The following MAPK9 variants were observed in gnomAD, a reference collection of about 807,000 sequenced individuals.
The protein encoded by MAPK9 is mitogen-activated protein kinase 9, also known as Jun kinase.
A neutral mutation model predicts 57.1 loss-of-function variants in MAPK9; 30 were observed. The ratio of observed to expected loss-of-function variants is 0.53; its 90% CI spans 0.39 to 0.71. MAPK9 has a LOEUF of 0.71. Ranked by LOEUF, MAPK9 falls within the 30% of genes least tolerant of loss-of-function variation. The pLI, the probability that MAPK9 is intolerant of heterozygous loss-of-function variation, is 0.00. For synonymous variants in MAPK9, 155 were observed against 177.0 expected, an observed-to-expected ratio of 0.88 and a Z score of 0.99; for missense variants, 362 against 521.0, an observed-to-expected ratio of 0.69 and a Z score of 2.97.
intron 5 of MAPK9, among the ~76,000 whole-genome samples, chr5:180,259,780 T>C (rs186767849): frequency 1.3e-5 from 2 of 152,258 alleles, no homozygotes; most frequent in Non-Finnish European, 2.9e-5. Flanking sequence ...CAGTTCTCTA[T>C]GTAAACATGA....
intron 7 of MAPK9, among the ~76,000 whole-genome samples, chr5:180,244,494 G>A (rs1053948679): frequency 2.0e-5 from 3 of 152,000 alleles, no homozygotes; most frequent in Admixed American, 1.3e-4. Flanking sequence ...AAGAGCTGTC[G>A]GTCGGGCTCA....
At chr5:180,256,113 T>G (rs1031591959) in intron 5 of MAPK9, among the ~76,000 whole-genome samples, 2 of 152,174 alleles carry the variant, frequency 1.3e-5, no homozygotes, top group Admixed American at 1.3e-4. Flanking sequence ...AGGCAGGACA[T>G]GCACCAGCGT....
At chr5:180,280,223 GCTAC>G (rs1445830479) in intron 2 of MAPK9, among the ~76,000 whole-genome samples, 1 of 152,006 alleles carries the variant, frequency 6.6e-6, no homozygotes, top group Non-Finnish European at 1.5e-5. Flanking sequence ...AAGAAAACTT[GCTAC>G]CTATTTAAAT....
At chr5:180,289,131 GTC>G (rs1235406757) in intron 1 of MAPK9, among the ~76,000 whole-genome samples, 4 of 152,128 alleles carry the variant, frequency 2.6e-5, no homozygotes, top group African/African-American at 9.7e-5. Context: ...AAAAAATCTG[GTC>G]TCTGTTTTAT....
intron 5 of MAPK9, among the ~76,000 whole-genome samples, chr5:180,256,017 G>C (rs1006493884): frequency 6.6e-6 from 1 of 152,200 alleles, no homozygotes; most frequent in South Asian, 2.1e-4. Flanking sequence ...AGGTGATCCT[G>C]TCTTTGAAGG....
chr5:180,242,758 A>G lies in MAPK9; in HGVS notation c.689-3T>C. 3 of 1,607,824 alleles carry G rather than the reference A, an allele frequency of 1.9e-6. No individual in the cohort carries two copies. Among genetic ancestry groups the G allele is most frequent in the Admixed American group, 1.7e-5 (1 of 59,002 alleles). ...AACTTTATTCCACTGATCAATATCT[A>G]AGGAGTTTCTTGAGGAAAATACAAC... is the stretch of plus-strand genomic sequence containing the variant. On this transcript the variant is annotated splice_region_variant and splice_polypyrimidine_tract_variant and intron_variant, in intron 7 of 11. Coordinates refer to ENST00000452135, the MANE Select transcript of MAPK9 (RefSeq NM_002752.5).
At chr5:180,236,599 G>A in intron 11 of MAPK9, 73 bp from the exon 12 acceptor site, 1 of 1,536,352 alleles carries the variant, frequency 6.5e-7, no homozygotes, top group Non-Finnish European at 8.9e-7. Flanking sequence ...CGAGACTGCA[G>A]GCCATTTCTC....
At chr5:180,284,828 T>C (rs1762601267) in intron 1 of MAPK9, among the ~76,000 whole-genome samples, 1 of 152,096 alleles carries the variant, frequency 6.6e-6, no homozygotes, top group African/African-American at 2.4e-5. Flanking sequence ...TGTATCAATG[T>C]GGAAAGATGT....
chr5:180,262,558 T>A (rs1581235120), intron 4 of MAPK9, among the ~76,000 whole-genome samples: 1 of 133,006 alleles, frequency 7.5e-6, no homozygotes, highest in East Asian at 2.0e-4. Context: ...CTCCCAGAAC[T>A]GAAAATTAAA....
At chr5:180,270,025 G>A (rs961686066) in intron 2 of MAPK9, among the ~76,000 whole-genome samples, 3 of 152,130 alleles carry the variant, frequency 2.0e-5, no homozygotes, top group African/African-American at 7.2e-5. Flanking sequence ...AAATCTACAG[G>A]CTGTGTTTCC....
chr5:180,256,983 C>A (rs191346231), intron 5 of MAPK9, among the ~76,000 whole-genome samples: 1 of 152,290 alleles, frequency 6.6e-6, no homozygotes, highest in Admixed American at 6.5e-5. Flanking sequence ...ACTTCAGGAA[C>A]AGAAATAGAA....
At chr5:180,270,010 G>C (rs1761105989) in intron 2 of MAPK9, among the ~76,000 whole-genome samples, 1 of 152,200 alleles carries the variant, frequency 6.6e-6, no homozygotes, top group African/African-American at 2.4e-5. Flanking sequence ...ACTATAGTAA[G>C]AATAAAATCT....
At chr5:180,270,437 T>A (rs1254872766) in intron 2 of MAPK9, among the ~76,000 whole-genome samples, 1 of 152,232 alleles carries the variant, frequency 6.6e-6, no homozygotes, top group South Asian at 2.1e-4. Flanking sequence ...CAGGTTCATA[T>A]GCAAATTGCA....
chr5:180,238,099 G>A (rs551926598), intron 11 of MAPK9: 15 of 320,458 alleles, frequency 4.7e-5, no homozygotes, highest in African/African-American at 2.6e-4. Flanking sequence ...GTGAAACCCC[G>A]TCTCTACTAA....
intron 5 of MAPK9, among the ~76,000 whole-genome samples, chr5:180,254,304 TG>T (rs1292129076): frequency 6.6e-6 from 1 of 152,114 alleles, no homozygotes; most frequent in African/African-American, 2.4e-5. Flanking sequence ...ACCAGACATT[TG>T]GGGAAAGCCT....
intron 2 of MAPK9, among the ~76,000 whole-genome samples, chr5:180,279,118 T>C (rs1265068664): frequency 6.6e-6 from 1 of 152,022 alleles, no homozygotes; most frequent in Non-Finnish European, 1.5e-5. Context: ...CCACCACACC[T>C]GGCTAATTTC....
At chr5:180,291,753 C>A in intron 1 of MAPK9, 95 bp downstream of exon 1, 1 of 149,462 alleles carries the variant, frequency 6.7e-6, no homozygotes, top group South Asian at 2.0e-4. Flanking sequence ...CCCGGCCCGC[C>A]CCGAAGCCCC....
Position 180,239,905 on chromosome 5 carries a change from A to C in MAPK9, c.1060+19T>G, listed in dbSNP as rs369468015. 514 of 1,607,568 alleles carry C rather than the reference A, an allele frequency of 3.2e-4. 1 individual carries two copies. In the African/African-American group the frequency reaches 6.2e-3, roughly 20 times the overall value. ...GAAGAAATGTCAAAAGGAAGGATCA[A>C]AATAAGCTCCATCTTTACCTTTCCA... On this transcript the variant is annotated intron_variant, in intron 10 of 11. Transcript: ENST00000452135.
At chr5:180,262,897 CG>C (rs1760134827) in intron 4 of MAPK9, 2 of 152,336 alleles carry the variant, frequency 1.3e-5, no homozygotes, top group African/African-American at 4.8e-5. Context: ...TCTAACTTCT[CG>C]CTGTCAAAAT....
Sources: gnomAD v4.1 joint callset for allele counts (sites outside exome capture counted in the v4.1 genomes callset) on GRCh38, gnomAD v4.1.1 for gene constraint, MANE v1.5 for transcripts, NCBI Gene and HGNC (gene_info 2026-07-23, HGNC 2026-07-21) for gene names.